The following ZFAT variants were observed in gnomAD, a reference collection of about 807,000 sequenced individuals.
The protein encoded by ZFAT is zinc finger and AT-hook domain containing.
Under a neutral mutation model 117.7 loss-of-function variants are expected in ZFAT, and 64 were observed. The ratio of observed to expected loss-of-function variants is 0.54; its 90% CI spans 0.44 to 0.67. ZFAT has a LOEUF of 0.67. Among genes scored for constraint, ZFAT ranks in the 30% least tolerant of loss-of-function variants. ZFAT has a pLI of 0.00. For synonymous variants in ZFAT, 679 were observed against 615.0 expected, an observed-to-expected ratio of 1.10 and a Z score of -1.54; for missense variants, 1,433 against 1,584.5, an observed-to-expected ratio of 0.90 and a Z score of 1.62.
intron 11 of ZFAT, among the ~76,000 whole-genome samples, chr8:134,533,691 C>A (rs570245528): frequency 3.2e-4 from 49 of 152,286 alleles, no homozygotes; most frequent in African/African-American, 1.1e-3. Context: ...CCCACCTGGT[C>A]AAGACAAGAC....
At chr8:134,514,624 A>C (rs1361358735) in intron 13 of ZFAT, among the ~76,000 whole-genome samples, 1 of 152,214 alleles carries the variant, frequency 6.6e-6, no homozygotes, top group Non-Finnish European at 1.5e-5. Flanking sequence ...GGGTTAAAAA[A>C]TGGCTCAAGG....
At chr8:134,526,104 G>C (rs1338191661) in intron 12 of ZFAT, among the ~76,000 whole-genome samples, 1 of 152,144 alleles carries the variant, frequency 6.6e-6, no homozygotes, top group East Asian at 1.9e-4. Context: ...AATATGTGAT[G>C]ATGAACAAAG....
intron 15 of ZFAT, among the ~76,000 whole-genome samples, chr8:134,483,691 C>T (rs1442114093): frequency 1.3e-5 from 2 of 152,152 alleles, no homozygotes; most frequent in South Asian, 2.1e-4. Flanking sequence ...CGATAGAAAC[C>T]CTTAACCCCT....
At chr8:134,674,586 G>C (rs1444912526) in intron 1 of ZFAT, 1 of 152,922 alleles carries the variant, frequency 6.5e-6, no homozygotes, top group African/African-American at 2.4e-5. Context: ...ATCCCTGCCT[G>C]ACAGCTCTGA....
At chr8:134,802,655 C>T in the ZFAT span, among the ~76,000 whole-genome samples, 1 of 152,186 alleles carries the variant, frequency 6.6e-6, no homozygotes, top group African/African-American at 2.4e-5. Context: ...GGATAAAATA[C>T]TGTCATTTAC....
chr8:134,487,104 C>T (rs1817713370), intron 15 of ZFAT, among the ~76,000 whole-genome samples: 1 of 152,116 alleles, frequency 6.6e-6, no homozygotes, highest in Non-Finnish European at 1.5e-5. Context: ...ATATTGTGCA[C>T]ATACATGGAT....
At chr8:134,519,109 C>T (rs2130453664) in intron 13 of ZFAT, among the ~76,000 whole-genome samples, 1 of 152,268 alleles carries the variant, frequency 6.6e-6, no homozygotes, top group South Asian at 2.1e-4. Flanking sequence ...ATTGTACTTA[C>T]TCTTCCAAAT....
At position 134,712,873 on chromosome 8, in the gene ZFAT, C is replaced by T; in HGVS notation, c.-10G>A. 1 of 1,509,044 alleles carries T rather than the reference C, an allele frequency of 6.6e-7. No homozygotes were observed. Among genetic ancestry groups the T allele is most frequent in the East Asian group, 2.8e-5 (1 of 35,190 alleles). The allele number at this position is 1,509,044 out of a possible 1,614,324, so 93.5% of individuals were successfully genotyped here. The stretch of plus-strand genomic sequence containing the variant: ...CCGCCCGCGTCTCCATGGCAACGCC[C>T]CACCGCGGAGGAAAAAAAAGCCTCG... On this transcript the variant is annotated 5_prime_UTR_variant, in exon 1 of 16. Coordinates refer to ENST00000377838, the MANE Select transcript of ZFAT (RefSeq NM_020863.4).
the ZFAT span, among the ~76,000 whole-genome samples, chr8:134,822,248 C>T: frequency 6.6e-6 from 1 of 151,926 alleles, no homozygotes; most frequent in Non-Finnish European, 1.5e-5. Context: ...TTCAAATTTC[C>T]CATGGTAGAC....
chr8:134,822,133 T>A, the ZFAT span, among the ~76,000 whole-genome samples: 990 of 152,268 alleles, frequency 6.5e-3, 8 homozygotes, highest in South Asian at 0.023. Flanking sequence ...GCAAAACCTA[T>A]TTTAAAAGTT....
At chr8:134,611,582 G>C (rs1828334226) in intron 3 of ZFAT, among the ~76,000 whole-genome samples, 1 of 152,242 alleles carries the variant, frequency 6.6e-6, no homozygotes, top group Admixed American at 6.5e-5. Context: ...TGGGGAGGGG[G>C]AGAAGCTGGA....
chr8:134,594,481 T>C (rs1331869763), intron 7 of ZFAT, among the ~76,000 whole-genome samples: 1 of 152,242 alleles, frequency 6.6e-6, no homozygotes, highest in Non-Finnish European at 1.5e-5. Context: ...TGTACCTTGA[T>C]AGCCAAAGAA....
At chr8:134,635,888 C>T (rs1830181930) in intron 3 of ZFAT, among the ~76,000 whole-genome samples, 1 of 152,162 alleles carries the variant, frequency 6.6e-6, no homozygotes. Flanking sequence ...TGACAGCACT[C>T]CGGGCCTACA....
intron 15 of ZFAT, among the ~76,000 whole-genome samples, chr8:134,491,655 G>A (rs7010252): frequency 0.094 from 14,277 of 152,156 alleles, 1,051 homozygotes; most frequent in African/African-American, 0.21. Flanking sequence ...CAAAGCCAAC[G>A]ACATTTGGTG....
At chr8:134,751,048 A>T in the ZFAT span, among the ~76,000 whole-genome samples, 6 of 152,220 alleles carry the variant, frequency 3.9e-5, no homozygotes, top group Non-Finnish European at 2.9e-5. Flanking sequence ...TATTTTCAAT[A>T]AATGTATTTT....
chr8:134,818,711 G>A, the ZFAT span, among the ~76,000 whole-genome samples: 2 of 152,130 alleles, frequency 1.3e-5, no homozygotes, highest in African/African-American at 2.4e-5. Flanking sequence ...TTATCAAAAG[G>A]TGAATGGATA....
At chr8:134,489,143 A>G (rs1457027789) in intron 15 of ZFAT, among the ~76,000 whole-genome samples, 1 of 151,970 alleles carries the variant, frequency 6.6e-6, no homozygotes, top group Non-Finnish European at 1.5e-5. Flanking sequence ...GACAGCAGAG[A>G]CCTGATCAGA....
the ZFAT span, among the ~76,000 whole-genome samples, chr8:134,769,301 C>T: frequency 6.6e-6 from 1 of 152,176 alleles, no homozygotes; most frequent in Non-Finnish European, 1.5e-5. Context: ...GGGGGTATAG[C>T]CATTGGGTAA....
At chr8:134,825,282 G>C in the ZFAT span, among the ~76,000 whole-genome samples, 1 of 152,210 alleles carries the variant, frequency 6.6e-6, no homozygotes, top group Non-Finnish European at 1.5e-5. Flanking sequence ...AGCTCAACAT[G>C]TTTTAGAACG....
Sources: allele counts gnomAD v4.1 joint callset (sites outside exome capture counted in the v4.1 genomes callset), GRCh38; gene constraint gnomAD v4.1.1; transcripts MANE v1.5; gene names NCBI Gene and HGNC (gene_info 2026-07-23, HGNC 2026-07-21).